Variants in TSPAN5 observed in about 807,000 individuals in gnomAD.
TSPAN5 encodes tetraspanin-5.
A neutral mutation model predicts 37.1 loss-of-function variants in TSPAN5; 10 were observed. That is an observed-to-expected ratio of 0.27 (90% CI 0.17 to 0.46). The LOEUF (loss-of-function observed/expected upper bound fraction) is 0.46, where lower values mean the gene tolerates loss of function less well. TSPAN5 is among the 20% of genes least tolerant of loss of function. The pLI, the probability that TSPAN5 is intolerant of heterozygous loss-of-function variation, is 1.00. For missense variants in TSPAN5, 195 were observed against 326.6 expected, an observed-to-expected ratio of 0.60 and a Z score of 3.11; for synonymous variants, 110 against 118.9, an observed-to-expected ratio of 0.93 and a Z score of 0.48.
chr4:98,473,626 A>ATT (rs1286292244), intron 7 of TSPAN5, among the ~76,000 whole-genome samples: 1 of 151,722 alleles, frequency 6.6e-6, no homozygotes, highest in Non-Finnish European at 1.5e-5. Context: ...CGCCCGGCTA[A>ATT]TTTTTTGTAT....
intron 1 of TSPAN5, among the ~76,000 whole-genome samples, chr4:98,523,961 T>C (rs989737929): frequency 1.4e-4 from 22 of 152,306 alleles, no homozygotes; most frequent in African/African-American, 4.8e-4. Context: ...AGCATTCACA[T>C]AGCATTGATA....
intron 1 of TSPAN5, among the ~76,000 whole-genome samples, chr4:98,602,259 A>AC (rs1287968853): frequency 6.6e-6 from 1 of 152,168 alleles, no homozygotes; most frequent in Non-Finnish European, 1.5e-5. Context: ...AAACCCAAAA[A>AC]CCAAAAACAT....
At chr4:98,497,261 G>A (rs1042403924) in intron 2 of TSPAN5, among the ~76,000 whole-genome samples, 2 of 149,718 alleles carry the variant, frequency 1.3e-5, no homozygotes, top group Non-Finnish European at 3.0e-5. Flanking sequence ...AGGTTGCAGT[G>A]AGCCGAGATC....
At chr4:98,506,905 T>A (rs1350004538) in intron 2 of TSPAN5, among the ~76,000 whole-genome samples, 1 of 152,172 alleles carries the variant, frequency 6.6e-6, no homozygotes. Flanking sequence ...GGTGTTTATA[T>A]TCACTGTTGA....
At chr4:98,584,934 T>C (rs1194305768) in intron 1 of TSPAN5, among the ~76,000 whole-genome samples, 1 of 152,186 alleles carries the variant, frequency 6.6e-6, no homozygotes, top group Non-Finnish European at 1.5e-5. Flanking sequence ...CATTTGAGGA[T>C]ACACTGTGTC....
intron 1 of TSPAN5, among the ~76,000 whole-genome samples, chr4:98,536,415 C>T (rs1754234615): frequency 6.6e-6 from 1 of 152,168 alleles, no homozygotes. Flanking sequence ...CCAGCCAGAG[C>T]TCTCCTGTAT....
intron 1 of TSPAN5, among the ~76,000 whole-genome samples, chr4:98,642,671 G>A (rs1382521944): frequency 6.6e-6 from 1 of 151,998 alleles, no homozygotes; most frequent in East Asian, 1.9e-4. Flanking sequence ...CGGAATAACT[G>A]TGGTCCCATA....
intron 1 of TSPAN5, among the ~76,000 whole-genome samples, chr4:98,576,560 TA>T (rs1218996933): frequency 6.6e-6 from 1 of 151,822 alleles, no homozygotes; most frequent in Admixed American, 6.6e-5. Flanking sequence ...GGCAAAAAAC[TA>T]AAAAATTAGC....
At chr4:98,565,705 C>T (rs114741128) in intron 1 of TSPAN5, among the ~76,000 whole-genome samples, 3,541 of 152,256 alleles carry the variant, frequency 0.023, 59 homozygotes, top group Non-Finnish European at 0.037. Context: ...TAGCCTTTAT[C>T]ACAAGCAGCT....
At chr4:98,616,788 T>C (rs557498759) in intron 1 of TSPAN5, among the ~76,000 whole-genome samples, 52 of 152,230 alleles carry the variant, frequency 3.4e-4, no homozygotes, top group African/African-American at 1.2e-3. Context: ...AGGGAATTAA[T>C]GGGTCCTTCT....
intron 2 of TSPAN5, among the ~76,000 whole-genome samples, chr4:98,497,154 G>A (rs1335369033): frequency 4.6e-5 from 7 of 152,028 alleles, no homozygotes; most frequent in East Asian, 3.9e-4. Flanking sequence ...GTGAAACCCC[G>A]TCTCTACTAA....
chr4:98,501,135 C>T (rs1043940783), intron 2 of TSPAN5, among the ~76,000 whole-genome samples: 6 of 152,198 alleles, frequency 3.9e-5, no homozygotes, highest in African/African-American at 1.4e-4. Context: ...ATGAGATAAT[C>T]ATATATAGAT....
intron 1 of TSPAN5, among the ~76,000 whole-genome samples, chr4:98,611,444 G>A (rs1265422786): frequency 1.3e-5 from 2 of 152,158 alleles, no homozygotes; most frequent in Non-Finnish European, 2.9e-5. Context: ...CACACTGGTG[G>A]GAAGTACTGC....
intron 2 of TSPAN5, among the ~76,000 whole-genome samples, chr4:98,503,434 G>A (rs1753401869): frequency 6.6e-6 from 1 of 152,088 alleles, no homozygotes; most frequent in South Asian, 2.1e-4. Flanking sequence ...GTTTAGCCTG[G>A]AAACTCAGAA....
rs1036884396 is a variant in TSPAN5, at chr4:98,471,270, T to C, written c.*1252A>G. ...AAGAAAAAGAAACCATTAGAAGCTT[T>C]TGACTGGGTCAATGTTGTTTCCAAA... On this transcript the variant is annotated 3_prime_UTR_variant, in exon 8 of 8. Coordinates refer to ENST00000305798, the MANE Select transcript of TSPAN5 (RefSeq NM_005723.4). 6.6e-6 allele frequency: 1 copy of C among 152,164 alleles called. No individual in the cohort carries two copies. 9.4% of individuals were successfully genotyped at this position (152,164 alleles called of 1,614,324 possible). A position where few individuals can be genotyped will look rare whatever the true frequency, so the allele number is the denominator to read the frequency against.
At chr4:98,649,802 C>T (rs922655598) in intron 1 of TSPAN5, among the ~76,000 whole-genome samples, 8 of 152,288 alleles carry the variant, frequency 5.3e-5, no homozygotes, top group East Asian at 1.9e-4. Flanking sequence ...TGCTGCTCTT[C>T]GGATGGTTAG....
chr4:98,492,980 C>T (rs1358019486), intron 2 of TSPAN5, among the ~76,000 whole-genome samples: 2 of 152,074 alleles, frequency 1.3e-5, no homozygotes, highest in Non-Finnish European at 2.9e-5. Flanking sequence ...AAGTTGAGAC[C>T]AGCCTGGGCA....
chr4:98,592,368 G>T (rs540612098), intron 1 of TSPAN5, among the ~76,000 whole-genome samples: 1 of 147,932 alleles, frequency 6.8e-6, no homozygotes, highest in Non-Finnish European at 1.5e-5. Flanking sequence ...AAAACCAGGA[G>T]ATTCACAGCA....
At chr4:98,542,598 A>G (rs1754382707) in intron 1 of TSPAN5, among the ~76,000 whole-genome samples, 1 of 152,034 alleles carries the variant, frequency 6.6e-6, no homozygotes, top group African/African-American at 2.4e-5. Flanking sequence ...ACATGCCTAT[A>G]GTCCTAGCTA....
Sources: allele counts gnomAD v4.1 joint callset (sites outside exome capture counted in the v4.1 genomes callset), GRCh38; gene constraint gnomAD v4.1.1; transcripts MANE v1.5; gene names NCBI Gene and HGNC (gene_info 2026-07-23, HGNC 2026-07-21).